The following DPP10 variants were observed in gnomAD, a reference collection of about 807,000 sequenced individuals.
DPP10 encodes the protein dipeptidyl peptidase like 10, also known as inactive dipeptidyl peptidase 10.
A neutral mutation model predicts 120.9 loss-of-function variants in DPP10; 33 were observed. The ratio of observed to expected loss-of-function variants is 0.27; its 90% confidence interval spans 0.21 to 0.37. The LOEUF is 0.37. Ranked by LOEUF, DPP10 falls within the 10% of genes least tolerant of loss-of-function variation. The pLI is 1.00. For synonymous variants in DPP10, 337 were observed against 326.1 expected, an observed-to-expected ratio of 1.03 and a Z score of -0.36; for missense variants, 816 against 942.8, an observed-to-expected ratio of 0.87 and a Z score of 1.76.
chr2:115,252,051 C>T (rs1457156928), intron 1 of DPP10, among the ~76,000 whole-genome samples: 6 of 152,122 alleles, frequency 3.9e-5, no homozygotes, highest in Non-Finnish European at 8.8e-5. Flanking sequence ...AGTATGGTGC[C>T]CTTAAGCAGA....
Position 114,507,148 on chromosome 2 carries a change from AGTGATAATCCCGCCTCAGCCTCTC to A in DPP10, c.60+64312_60+64335del, listed in dbSNP as rs200541675. On this transcript the variant is annotated intron_variant, in intron 1 of 25. Coordinates refer to ENST00000410059, the MANE Select transcript of DPP10 (RefSeq NM_020868.6). ...CTGCAGCCTCCACCTCCTGGGCTCA[AGTGATAATCCCGCCTCAGCCTCTC>A]GAATAGCTGAGACTACAGGCATGCA... Among the ~76,000 whole-genome samples, 49 of 151,278 alleles carry A rather than the reference AGTGATAATCCCGCCTCAGCCTCTC, an allele frequency of 3.2e-4. 1 individual carries two copies. In the East Asian group the frequency reaches 8.4e-3, roughly 26 times the overall value.
At chr2:115,603,550 C>T (rs1170303093) in intron 5 of DPP10, among the ~76,000 whole-genome samples, 6 of 41,796 alleles carry the variant, frequency 1.4e-4, no homozygotes, top group Middle Eastern at 0.026. Context: ...TGTGTGTTTT[C>T]GTTGTTGTTG....
At chr2:115,724,364 T>C (rs13019180) in intron 7 of DPP10, among the ~76,000 whole-genome samples, 36,828 of 152,096 alleles carry the variant, frequency 0.24, 5,127 homozygotes, top group Middle Eastern at 0.4. Flanking sequence ...AAATTAAAAA[T>C]TGACTCTTAA....
intron 1 of DPP10, among the ~76,000 whole-genome samples, chr2:114,756,264 A>C (rs1425262286): frequency 6.6e-6 from 1 of 152,194 alleles, no homozygotes; most frequent in Non-Finnish European, 1.5e-5. Flanking sequence ...ACAAGTTATG[A>C]AAGTGTGTGC....
chr2:114,903,957 T>C (rs1031807481), intron 1 of DPP10, among the ~76,000 whole-genome samples: 4 of 152,324 alleles, frequency 2.6e-5, no homozygotes, highest in Admixed American at 1.3e-4. Context: ...TAAATTTGTG[T>C]TGTTTAAGCT....
chr2:115,145,531 C>T (rs1335159770), intron 1 of DPP10, among the ~76,000 whole-genome samples: 2 of 152,172 alleles, frequency 1.3e-5, no homozygotes, highest in Admixed American at 6.5e-5. Flanking sequence ...ATATACCACA[C>T]TTTATTCATC....
chr2:115,727,984 A>G (rs775744718), intron 8 of DPP10, 48 bp downstream of exon 8: 1 of 1,567,284 alleles, frequency 6.4e-7, no homozygotes, highest in African/African-American at 1.4e-5. Context: ...ACATATTTTT[A>G]TACAAAATCT....
chr2:115,196,690 A>C (rs1217530386), intron 1 of DPP10, among the ~76,000 whole-genome samples: 6 of 152,210 alleles, frequency 3.9e-5, no homozygotes, highest in Non-Finnish European at 8.8e-5. Context: ...CTGTAAGTGC[A>C]ATGAGATAAG....
At chr2:115,644,326 C>A (rs931760985) in intron 5 of DPP10, among the ~76,000 whole-genome samples, 1 of 152,158 alleles carries the variant, frequency 6.6e-6, no homozygotes, top group Non-Finnish European at 1.5e-5. Context: ...GCCCACTCCG[C>A]AACAGGCCCC....
intron 5 of DPP10, among the ~76,000 whole-genome samples, chr2:115,619,479 A>G (rs2084785969): frequency 6.6e-6 from 1 of 152,148 alleles, no homozygotes; most frequent in Admixed American, 6.5e-5. Flanking sequence ...CCTTCGCATG[A>G]CATTGCCTTT....
intron 1 of DPP10, among the ~76,000 whole-genome samples, chr2:115,164,168 A>G (rs1379930060): frequency 2.0e-5 from 3 of 152,178 alleles, no homozygotes; most frequent in Non-Finnish European, 4.4e-5. Context: ...CAACTGAAAT[A>G]TACACATGGC....
intron 19 of DPP10, among the ~76,000 whole-genome samples, chr2:115,796,122 C>G (rs1009326611): frequency 1.3e-5 from 2 of 152,144 alleles, no homozygotes; most frequent in Admixed American, 6.5e-5. Context: ...TCAGCCACCC[C>G]CAAAGAGAAA....
At chr2:114,660,300 C>CT (rs949466194) in intron 1 of DPP10, among the ~76,000 whole-genome samples, 14 of 152,154 alleles carry the variant, frequency 9.2e-5, no homozygotes, top group African/African-American at 3.1e-4. Flanking sequence ...AAAAATTACA[C>CT]TTTTTTTTCT....
chr2:114,845,680 G>A (rs181808462), intron 1 of DPP10, among the ~76,000 whole-genome samples: 50 of 152,252 alleles, frequency 3.3e-4, no homozygotes, highest in African/African-American at 1.1e-3. Context: ...AGCTTTGCAG[G>A]TTGACTTCTG....
In DPP10 at chr2:114,613,656, GAC is replaced by G. The variant is rs377721227; in HGVS notation, c.60+170822_60+170823del. On this transcript the variant is annotated intron_variant, in intron 1 of 25. Coordinates refer to ENST00000410059, the MANE Select transcript of DPP10 (RefSeq NM_020868.6). ...ATAAATCATTCTACGATAAAGACAA[GAC>G]ACATGCACACGTATGTTTATTGCAG... Among the ~76,000 whole-genome samples the G allele has an allele frequency of 5.2e-4, 79 of 152,206 alleles. No individual in the cohort carries two copies. The East Asian group carries it at 0.014, about 27-fold the overall frequency.
intron 1 of DPP10, among the ~76,000 whole-genome samples, chr2:114,889,334 C>T (rs1692344670): frequency 6.6e-6 from 1 of 152,072 alleles, no homozygotes; most frequent in Non-Finnish European, 1.5e-5. Flanking sequence ...TGCTCAATAT[C>T]TGAAAGGTAA....
At chr2:115,150,463 C>T (rs1181203544) in intron 1 of DPP10, among the ~76,000 whole-genome samples, 5 of 152,092 alleles carry the variant, frequency 3.3e-5, no homozygotes, top group South Asian at 2.1e-4. Context: ...ATATTATACA[C>T]ACAACAGAAA....
At position 114,852,151 on chromosome 2, in the gene DPP10, C is replaced by CTTTTTTTTTTT. The variant is rs34580352; in HGVS notation, c.60+409328_60+409338dup. Among the ~76,000 whole-genome samples, 12 of 53,726 alleles carry CTTTTTTTTTTT rather than the reference C, an allele frequency of 2.2e-4. 2 individuals are homozygous for CTTTTTTTTTTT. The highest frequency in any genetic ancestry group is 6.8e-4 in the African/African-American group (8 of 11,784). 35.2% of individuals were successfully genotyped at this position (53,726 alleles called of 152,430 possible). Reference sequence around the variant, plus strand: ...GGGAAATTTTTATAGCGATTGCATCCTTTTTTTTTTTTTTTTTTTTTTTTT... The same window carrying CTTTTTTTTTTT: ...GGGAAATTTTTATAGCGATTGCATCCTTTTTTTTTTTTTTTTTTTTTTTTTTTTTTTTTTTT... On this transcript the variant is annotated intron_variant, in intron 1 of 25. Coordinates refer to ENST00000410059, the MANE Select transcript of DPP10 (RefSeq NM_020868.6).
At chr2:115,227,228 A>G (rs930542507) in intron 1 of DPP10, among the ~76,000 whole-genome samples, 8 of 152,284 alleles carry the variant, frequency 5.3e-5, no homozygotes, top group Admixed American at 2.6e-4. Context: ...AATGTTCTGA[A>G]AAGACAATTA....
Sources: gnomAD v4.1 joint callset for allele counts (sites outside exome capture counted in the v4.1 genomes callset) on GRCh38, gnomAD v4.1.1 for gene constraint, MANE v1.5 for transcripts, NCBI Gene and HGNC (gene_info 2026-07-23, HGNC 2026-07-21) for gene names.